SCRG1: variants seen among roughly 807,000 people sequenced by gnomAD.
The protein encoded by SCRG1 is stimulator of chondrogenesis 1.
In SCRG1, 3 loss-of-function variants were observed where a neutral mutation model predicts 7.7. That is an observed-to-expected ratio of 0.39 (90% CI 0.18 to 1.01). The LOEUF (loss-of-function observed/expected upper bound fraction) is 1.01, where lower values mean the gene tolerates loss of function less well. SCRG1 is among the 50% of genes least tolerant of loss of function. The pLI, the probability that SCRG1 is intolerant of heterozygous loss-of-function variation, is 0.36. For missense variants in SCRG1, 110 were observed against 117.2 expected (o/e 0.94, Z 0.28); for synonymous variants, 46 against 41.2 (o/e 1.12, Z -0.44).
At chr4:173,403,782 C>T (rs1739821787), upstream of SCRG1, among the ~76,000 whole-genome samples, 1 of 152,168 alleles carries the variant, frequency 6.6e-6, no homozygotes, top group East Asian at 1.9e-4. Context: ...TCCATGGAAT[C>T]ACAGCCCAGA....
At chr4:173,480,285 G>A in the SCRG1 span, among the ~76,000 whole-genome samples, 1 of 152,028 alleles carries the variant, frequency 6.6e-6, no homozygotes, top group South Asian at 2.1e-4. Context: ...AAAAAGTCTA[G>A]AACTGGGGCC....
At chr4:173,484,984 A>G in the SCRG1 span, among the ~76,000 whole-genome samples, 3 of 49,674 alleles carry the variant, frequency 6.0e-5, no homozygotes, top group African/African-American at 2.4e-4. Flanking sequence ...TATTATAAAT[A>G]TAATATATAA....
At chr4:173,493,320 A>C in the SCRG1 span, among the ~76,000 whole-genome samples, 1 of 152,026 alleles carries the variant, frequency 6.6e-6, no homozygotes, top group East Asian at 1.9e-4. Flanking sequence ...CTCCTGTTCT[A>C]CCATGGTAAG....
chr4:173,435,550 A>G, the SCRG1 span, among the ~76,000 whole-genome samples: 1 of 152,206 alleles, frequency 6.6e-6, no homozygotes, highest in Non-Finnish European at 1.5e-5. Flanking sequence ...AGATACAGTG[A>G]CCAGGCAGGT....
chr4:173,487,881 T>C, the SCRG1 span, among the ~76,000 whole-genome samples: 1 of 151,946 alleles, frequency 6.6e-6, no homozygotes, highest in African/African-American at 2.4e-5. Flanking sequence ...GGTGGGCAGA[T>C]CACTGAGTTC....
chr4:173,408,054 G>C (rs1293178471), upstream of SCRG1, among the ~76,000 whole-genome samples: 3 of 152,142 alleles, frequency 2.0e-5, no homozygotes, highest in Non-Finnish European at 2.9e-5. Flanking sequence ...CTCCCTTTAT[G>C]TGTATACATA....
chr4:173,485,412 CTG>C, the SCRG1 span, among the ~76,000 whole-genome samples: 1,509 of 150,506 alleles, frequency 0.01, 34 homozygotes, highest in African/African-American at 0.035. Flanking sequence ...CCAAACATGA[CTG>C]AGGCTATCTG....
the SCRG1 span, among the ~76,000 whole-genome samples, chr4:173,496,755 T>C: frequency 6.6e-6 from 1 of 152,202 alleles, no homozygotes; most frequent in Non-Finnish European, 1.5e-5. Context: ...GATTAAGTAT[T>C]GCCCAGGGAG....
chr4:173,484,441 GA>G, the SCRG1 span, among the ~76,000 whole-genome samples: 11 of 29,334 alleles, frequency 3.7e-4, no homozygotes, highest in Admixed American at 3.8e-3. Flanking sequence ...ATATACATAT[GA>G]TATATAATAT....
At chr4:173,451,553 T>C in the SCRG1 span, among the ~76,000 whole-genome samples, 1 of 152,066 alleles carries the variant, frequency 6.6e-6, no homozygotes, top group Non-Finnish European at 1.5e-5. Flanking sequence ...ACTCTATCTC[T>C]AATGGCCTAC....
rs761778143 is a variant in SCRG1, at chr4:173,391,288, C to G, written c.127G>C (p.Glu43Gln). 1.7e-5 allele frequency: 28 copies of G among 1,614,182 alleles called. No homozygotes were observed. The highest frequency in any genetic ancestry group is 1.9e-5 in the Non-Finnish European group (23 of 1,180,040). ...LKDHNCHNLP[E>Q]GVADLTQIDV... is the part of the protein sequence containing the mutation. ...ATCTGTGTCAGGTCAGCTACTCCTT[C>G]CGGAAGGTTGTGACAGTTGTGATCT... Residue 43 changes from glutamate (E) to glutamine (Q), a missense_variant, in exon 2 of 3, where the codon GAA becomes CAA. By Grantham distance (29) the Glu-to-Gln change is conservative. Transcript: ENST00000296506.
At chr4:173,451,868 C>A in the SCRG1 span, among the ~76,000 whole-genome samples, 5 of 151,908 alleles carry the variant, frequency 3.3e-5, no homozygotes, top group Admixed American at 2.6e-4. Context: ...GAAGTAATAC[C>A]CTTAACCTCC....
At chr4:173,491,531 A>C in the SCRG1 span, among the ~76,000 whole-genome samples, 1 of 152,182 alleles carries the variant, frequency 6.6e-6, no homozygotes, top group African/African-American at 2.4e-5. Context: ...AAATTACTTA[A>C]GTGGCATATA....
chr4:173,460,709 T>C, the SCRG1 span, among the ~76,000 whole-genome samples: 3 of 152,212 alleles, frequency 2.0e-5, no homozygotes, highest in Non-Finnish European at 4.4e-5. Flanking sequence ...CTCTGAGACG[T>C]GCTGGCTTCA....
At chr4:173,477,875 A>G in the SCRG1 span, among the ~76,000 whole-genome samples, 1 of 151,852 alleles carries the variant, frequency 6.6e-6, no homozygotes. Context: ...CTCAAGTGAT[A>G]GTCCCCCCAC....
chr4:173,441,344 C>G, the SCRG1 span, among the ~76,000 whole-genome samples: 1 of 152,136 alleles, frequency 6.6e-6, no homozygotes, highest in African/African-American at 2.4e-5. Context: ...GTCTCCGTCA[C>G]GGCTCTAATC....
chr4:173,386,883 T>A lies in SCRG1; in HGVS notation c.*1458A>T, dbSNP rs562770413. 4 of 152,188 alleles carry A rather than the reference T, an allele frequency of 2.6e-5. No individual in the cohort carries two copies. The highest frequency in any genetic ancestry group is 5.9e-5 in the Non-Finnish European group (4 of 68,024). The allele number at this position is 152,188 out of a possible 1,614,324, so 9.4% of individuals were successfully genotyped here. A position where few individuals can be genotyped will look rare whatever the true frequency, so the allele number is the denominator to read the frequency against. ...TTTTATTCATTACTGTATGCCCAGA[T>A]CTTAATAATGGCTGGCACTTAGCAG... On this transcript the variant is annotated 3_prime_UTR_variant, in exon 3 of 3. Transcript: ENST00000296506.
chr4:173,422,557 T>C, the SCRG1 span, among the ~76,000 whole-genome samples: 7 of 152,204 alleles, frequency 4.6e-5, no homozygotes, highest in Admixed American at 4.6e-4. Context: ...CCTATTTCCA[T>C]TGATCATTAC....
At chr4:173,484,945 A>ATATAATATAT in the SCRG1 span, among the ~76,000 whole-genome samples, 101 of 62,618 alleles carry the variant, frequency 1.6e-3, 14 homozygotes, top group African/African-American at 5.4e-3. Context: ...ATTATATATT[A>ATATAATATAT]TATATAATAT....
Sources: gnomAD v4.1 joint callset for allele counts (sites outside exome capture counted in the v4.1 genomes callset) on GRCh38, gnomAD v4.1.1 for gene constraint, MANE v1.5 for transcripts, NCBI Gene and HGNC (gene_info 2026-07-23, HGNC 2026-07-21) for gene names.